Variants in MCC observed in about 807,000 individuals in gnomAD.
The protein encoded by MCC is MCC regulator of Wnt signaling pathway, also known as colorectal mutant cancer protein.
A neutral mutation model predicts 116.2 loss-of-function variants in MCC; 90 were observed. That is an observed-to-expected ratio of 0.77 (90% CI 0.65 to 0.92). MCC has a LOEUF of 0.92. MCC is among the 40% of genes least tolerant of loss of function. MCC has a pLI of 0.00. For synonymous variants in MCC, 578 were observed against 510.5 expected (o/e 1.13, Z -1.78); for missense variants, 1,516 against 1,312.2 (o/e 1.16, Z -2.40).
intron 8 of MCC, among the ~76,000 whole-genome samples, chr5:113,094,747 T>C (rs1011156498): frequency 6.6e-6 from 1 of 152,200 alleles, no homozygotes; most frequent in Non-Finnish European, 1.5e-5. Flanking sequence ...ACCAGCTTTT[T>C]GACAAATTGA....
At chr5:113,262,067 C>T (rs573696962) in intron 3 of MCC, among the ~76,000 whole-genome samples, 1 of 152,054 alleles carries the variant, frequency 6.6e-6, no homozygotes, top group Non-Finnish European at 1.5e-5. Context: ...TTTTCATGAA[C>T]GTCCTAAGAG....
rs188486751 is a variant in MCC, at chr5:113,220,080, C to T, written c.628-68658G>A. Among the ~76,000 whole-genome samples the T allele has an allele frequency of 4.7e-3, 111 of 23,786 alleles. 14 individuals carry two copies. The highest frequency in any genetic ancestry group is 5.4e-3 in the African/African-American group (109 of 20,210). The allele number at this position is 23,786 out of a possible 152,430, so 15.6% of individuals were successfully genotyped here. A position where few individuals can be genotyped will look rare whatever the true frequency, so the allele number is the denominator to read the frequency against. On this transcript the variant is annotated intron_variant, in intron 3 of 18. Transcript: ENST00000408903. ...TTCTTTTTCTTTTTTTTTTTTGAGA[C>T]GGAGTCTTGCTCTGTCACCCCGGCT...
intron 16 of MCC, among the ~76,000 whole-genome samples, chr5:113,048,167 A>G (rs534088860): frequency 1.3e-5 from 2 of 152,198 alleles, no homozygotes; most frequent in Non-Finnish European, 2.9e-5. Context: ...GACCTGTGAG[A>G]CTTAAGGGCG....
chr5:113,076,683 C>T (rs12653556), intron 11 of MCC, among the ~76,000 whole-genome samples: 127 of 152,254 alleles, frequency 8.3e-4, no homozygotes, highest in East Asian at 6.4e-3. Flanking sequence ...AAGGAACAAC[C>T]GGTACCAGCC....
intron 3 of MCC, among the ~76,000 whole-genome samples, chr5:113,234,237 A>G (rs1433245942): frequency 6.6e-6 from 1 of 152,202 alleles, no homozygotes; most frequent in African/African-American, 2.4e-5. Context: ...ATACACCATC[A>G]TGATACTGAA....
chr5:113,295,468 G>T (rs1766681680), intron 3 of MCC, among the ~76,000 whole-genome samples: 1 of 152,104 alleles, frequency 6.6e-6, no homozygotes, highest in Non-Finnish European at 1.5e-5. Flanking sequence ...GATGTCGATA[G>T]GCTCCCCAAC....
chr5:113,114,551 C>T (rs561166276), intron 6 of MCC, among the ~76,000 whole-genome samples: 10 of 152,310 alleles, frequency 6.6e-5, no homozygotes, highest in African/African-American at 2.4e-4. Context: ...TGAAATGCTG[C>T]CTTTTCAAAA....
rs1759290399 is a variant in MCC at position 113,143,244 on chromosome 5, T to C, written c.858A>G (p.Ile286Met). 1.2e-6 allele frequency: 2 copies of C among 1,610,050 alleles called. No homozygotes were observed. Among genetic ancestry groups the C allele is most frequent in the African/African-American group, 1.3e-5 (1 of 74,756 alleles). Residue 286 changes from isoleucine (I) to methionine (M), a missense_variant, in exon 5 of 19, where the codon ATA becomes ATG. By Grantham distance (10) the Ile-to-Met change is conservative. Coordinates refer to ENST00000408903, the MANE Select transcript of MCC (RefSeq NM_001085377.2). ...TGATGGTGGTGCCTTGCAGACGGTC[T>C]ATCTTCTTGTTGAGCTCCGCAATGA... ...HSVIAELNKK[I>M]DRLQGTTIRE...
intron 3 of MCC, among the ~76,000 whole-genome samples, chr5:113,167,793 A>T (rs1188297503): frequency 6.6e-6 from 1 of 151,910 alleles, no homozygotes. Flanking sequence ...ACCATGCCCG[A>T]CTAATTTTTA....
intron 1 of MCC, among the ~76,000 whole-genome samples, chr5:113,458,095 C>G (rs1056304817): frequency 6.6e-6 from 1 of 152,132 alleles, no homozygotes; most frequent in African/African-American, 2.4e-5. Context: ...TGGGTGGGGC[C>G]AGATAAGAGA....
At chr5:113,148,407 CT>C (rs1759654473) in intron 4 of MCC, among the ~76,000 whole-genome samples, 1 of 152,206 alleles carries the variant, frequency 6.6e-6, no homozygotes, top group Non-Finnish European at 1.5e-5. Flanking sequence ...AAGACACCTT[CT>C]TTTATTCAAC....
chr5:113,251,903 T>C (rs889004078), intron 3 of MCC, among the ~76,000 whole-genome samples: 4 of 152,118 alleles, frequency 2.6e-5, no homozygotes, highest in African/African-American at 9.7e-5. Flanking sequence ...TGAGGGGACA[T>C]GCAAAAAGAA....
chr5:113,134,314 A>G (rs1343517406), intron 5 of MCC, among the ~76,000 whole-genome samples: 1 of 152,144 alleles, frequency 6.6e-6, no homozygotes, highest in African/African-American at 2.4e-5. Context: ...AGCACCATTT[A>G]TTGAAGAGAC....
chr5:113,407,454 A>G (rs1769867604), intron 1 of MCC, among the ~76,000 whole-genome samples: 1 of 152,200 alleles, frequency 6.6e-6, no homozygotes, highest in African/African-American at 2.4e-5. Flanking sequence ...CAAAAACTGC[A>G]AAAACTGGGA....
At chr5:113,314,886 C>T (rs1403351137) in intron 3 of MCC, among the ~76,000 whole-genome samples, 1 of 152,206 alleles carries the variant, frequency 6.6e-6, no homozygotes, top group Non-Finnish European at 1.5e-5. Context: ...CCACACCCAG[C>T]CTCCATTGGG....
In MCC at chr5:113,022,803, G is replaced by C. The variant is rs1420229678; in HGVS notation, c.*4499C>G. Reference sequence around the variant, plus strand: ...TCACCTGATTAGCAGATGGATGACTGTGGAAAGATGAAGTACTAGTCAAGG... The same window carrying C: ...TCACCTGATTAGCAGATGGATGACTCTGGAAAGATGAAGTACTAGTCAAGG... On this transcript the variant is annotated 3_prime_UTR_variant, in exon 19 of 19. Transcript: ENST00000408903. 3.9e-5 allele frequency: 6 copies of C among 152,224 alleles called. No individual in the cohort carries two copies. Among genetic ancestry groups the C allele is most frequent in the Non-Finnish European group, 8.8e-5 (6 of 68,032 alleles). 9.4% of individuals were successfully genotyped at this position (152,224 alleles called of 1,614,324 possible).
chr5:113,276,423 C>T (rs1765827374), intron 3 of MCC, among the ~76,000 whole-genome samples: 1 of 152,162 alleles, frequency 6.6e-6, no homozygotes, highest in African/African-American at 2.4e-5. Flanking sequence ...CAATTCTGCA[C>T]AATACACTGC....
intron 1 of MCC, among the ~76,000 whole-genome samples, chr5:113,417,093 C>A (rs191543960): frequency 4.6e-5 from 7 of 151,968 alleles, no homozygotes; most frequent in Admixed American, 2.6e-4. Flanking sequence ...CCTCAGCCTC[C>A]CAAGTAGCTG....
chr5:113,460,191 G>A (rs1398164317), intron 1 of MCC, among the ~76,000 whole-genome samples: 2 of 152,112 alleles, frequency 1.3e-5, no homozygotes, highest in Non-Finnish European at 2.9e-5. Flanking sequence ...GACTGTCATG[G>A]GTAGCTTTGG....
Sources: allele counts gnomAD v4.1 joint callset (sites outside exome capture counted in the v4.1 genomes callset), GRCh38; gene constraint gnomAD v4.1.1; transcripts MANE v1.5; gene names NCBI Gene and HGNC (gene_info 2026-07-23, HGNC 2026-07-21).